Variants in SHISA9 observed in about 807,000 individuals in gnomAD.
SHISA9 encodes shisa family member 9, also known as protein shisa-9.
In SHISA9, 13 loss-of-function variants were observed where a neutral mutation model predicts 38.0. The ratio of observed to expected loss-of-function variants is 0.34; its 90% CI spans 0.22 to 0.54. The LOEUF is 0.54. Among genes scored for constraint, SHISA9 ranks in the 20% least tolerant of loss-of-function variants. The pLI, the probability that SHISA9 is intolerant of heterozygous loss-of-function variation, is 0.91. For missense variants in SHISA9, 538 were observed against 575.8 expected (o/e 0.93, Z 0.67); for synonymous variants, 275 against 242.0 (o/e 1.14, Z -1.27).
chr16:13,242,600 A>C (rs1264858062), downstream of SHISA9, among the ~76,000 whole-genome samples: 2 of 152,152 alleles, frequency 1.3e-5, no homozygotes, highest in Non-Finnish European at 2.9e-5. Flanking sequence ...ACTCCAGGAG[A>C]CTTGGCTGGT....
chr16:12,908,599 C>T (rs886503184), intron 1 of SHISA9: 80 of 1,551,458 alleles, frequency 5.2e-5, no homozygotes, highest in East Asian at 2.0e-4. Context: ...GATCCTTGGC[C>T]GCTAGGCTGC....
At chr16:13,222,013 C>T (rs1228219963) in intron 4 of SHISA9, among the ~76,000 whole-genome samples, 1 of 152,118 alleles carries the variant, frequency 6.6e-6, no homozygotes, top group African/African-American at 2.4e-5. Flanking sequence ...GGAGGCCTCA[C>T]AATCATGGTG....
chr16:13,139,019 G>T (rs1324529676), intron 2 of SHISA9, among the ~76,000 whole-genome samples: 1 of 152,120 alleles, frequency 6.6e-6, no homozygotes, highest in Non-Finnish European at 1.5e-5. Flanking sequence ...ATCCTCAAAC[G>T]TGGGGTACTA....
At chr16:13,094,432 C>T (rs4780503) in intron 2 of SHISA9, among the ~76,000 whole-genome samples, 4 of 151,824 alleles carry the variant, frequency 2.6e-5, no homozygotes, top group East Asian at 3.9e-4. Flanking sequence ...TATTTTAATA[C>T]ATCTTGTTTA....
intron 2 of SHISA9, among the ~76,000 whole-genome samples, chr16:13,197,395 C>G (rs2050957315): frequency 6.6e-6 from 1 of 152,100 alleles, no homozygotes; most frequent in Admixed American, 6.6e-5. Context: ...GGAGCATTCT[C>G]TCAGTATTTA....
intron 2 of SHISA9, among the ~76,000 whole-genome samples, chr16:13,122,488 A>G (rs2050220599): frequency 6.6e-6 from 1 of 152,212 alleles, no homozygotes; most frequent in Admixed American, 6.5e-5. Flanking sequence ...GAAGCTCCTA[A>G]GATGTTTGCA....
the SHISA9 span, among the ~76,000 whole-genome samples, chr16:13,317,977 T>C: frequency 6.8e-6 from 1 of 146,168 alleles, no homozygotes; most frequent in Non-Finnish European, 1.5e-5. Context: ...ATCATTTCCA[T>C]AGTCATCCTT....
intron 2 of SHISA9, among the ~76,000 whole-genome samples, chr16:13,113,455 T>G (rs1228423924): frequency 6.6e-6 from 1 of 152,128 alleles, no homozygotes; most frequent in African/African-American, 2.4e-5. Context: ...TGTTGCTTGA[T>G]CTGTATATCC....
At chr16:13,024,914 C>T (rs866998922) in intron 2 of SHISA9, among the ~76,000 whole-genome samples, 3 of 152,162 alleles carry the variant, frequency 2.0e-5, no homozygotes, top group Admixed American at 1.3e-4. Flanking sequence ...TTGCCAATAA[C>T]ATCTGTCAAA....
chr16:13,562,403 G>C, the SHISA9 span, among the ~76,000 whole-genome samples: 967 of 152,266 alleles, frequency 6.4e-3, 20 homozygotes, highest in African/African-American at 0.022. Flanking sequence ...GCTGAGGCAG[G>C]CAGATCACCT....
the SHISA9 span, among the ~76,000 whole-genome samples, chr16:13,430,546 C>T: frequency 9.8e-4 from 149 of 152,036 alleles, no homozygotes; most frequent in African/African-American, 3.4e-3. Context: ...AATGTCTGCT[C>T]GACATTACAT....
At chr16:13,522,501 C>A in the SHISA9 span, among the ~76,000 whole-genome samples, 24 of 152,204 alleles carry the variant, frequency 1.6e-4, no homozygotes, top group African/African-American at 5.5e-4. Context: ...GAGGAGTCCC[C>A]CCCCGATTTC....
intron 2 of SHISA9, among the ~76,000 whole-genome samples, chr16:13,053,721 C>T (rs565926919): frequency 6.6e-6 from 1 of 152,334 alleles, no homozygotes; most frequent in East Asian, 1.9e-4. Flanking sequence ...TTCACTTACT[C>T]TTCATTCTGC....
At chr16:13,448,169 CT>C in the SHISA9 span, among the ~76,000 whole-genome samples, 1 of 152,168 alleles carries the variant, frequency 6.6e-6, no homozygotes, top group Non-Finnish European at 1.5e-5. Context: ...AGTTTTCCCA[CT>C]CATTTGGAGA....
chr16:13,342,676 C>G, the SHISA9 span, among the ~76,000 whole-genome samples: 66 of 152,318 alleles, frequency 4.3e-4, no homozygotes, highest in Non-Finnish European at 3.1e-4. Context: ...TGACTCTAAT[C>G]CGTTTACACC....
At chr16:13,370,860 A>G in the SHISA9 span, among the ~76,000 whole-genome samples, 1 of 152,172 alleles carries the variant, frequency 6.6e-6, no homozygotes, top group African/African-American at 2.4e-5. Context: ...ATCAAGTAAT[A>G]GAAATAATAA....
rs1396625244 is a variant in SHISA9, at chr16:13,237,001, G to C, written c.*1592G>C. 1.3e-5 allele frequency: 2 copies of C among 152,104 alleles called. No individual in the cohort carries two copies. The highest frequency in any genetic ancestry group is 2.9e-5 in the Non-Finnish European group (2 of 68,028). The allele number at this position is 152,104 out of a possible 1,614,324, so 9.4% of individuals were successfully genotyped here. ...TTGTTTTGTGGAAGCCCAAAGAAGTGGATTGAGAGAGAAGAGATTTTTATC... is the reference window on the plus strand; with the variant it reads ...TTGTTTTGTGGAAGCCCAAAGAAGTCGATTGAGAGAGAAGAGATTTTTATC... On this transcript the variant is annotated 3_prime_UTR_variant, in exon 5 of 5. Transcript: ENST00000558583.
At chr16:13,202,990 A>T (rs536273642) in intron 2 of SHISA9, among the ~76,000 whole-genome samples, 1 of 152,092 alleles carries the variant, frequency 6.6e-6, no homozygotes, top group African/African-American at 2.4e-5. Flanking sequence ...ATGTCCTTCA[A>T]TCCCTTTAAC....
intron 2 of SHISA9, among the ~76,000 whole-genome samples, chr16:13,197,126 C>CACACACACACACACACACACACACACAG (rs1441162397): frequency 6.7e-6 from 1 of 150,130 alleles, no homozygotes; most frequent in African/African-American, 2.5e-5. Flanking sequence ...CACACACACA[C>CACACACACACACACACACACACACACAG]ACACACACAC....
Sources: allele counts gnomAD v4.1 joint callset (sites outside exome capture counted in the v4.1 genomes callset), GRCh38; gene constraint gnomAD v4.1.1; transcripts MANE v1.5; gene names NCBI Gene and HGNC (gene_info 2026-07-23, HGNC 2026-07-21).